The following LGR5 variants were observed in gnomAD, a reference collection of about 807,000 sequenced individuals.
LGR5 encodes leucine rich repeat containing G protein-coupled receptor 5, also known as leucine-rich repeat-containing G protein-coupled receptor 5.
A neutral mutation model predicts 76.7 loss-of-function variants in LGR5; 54 were observed. The observed-to-expected ratio is 0.70, with a 90% CI of 0.57 to 0.88. LGR5 has a LOEUF of 0.88. Ranked by LOEUF, LGR5 falls within the 40% of genes least tolerant of loss-of-function variation. LGR5 has a pLI of 0.00. For synonymous variants in LGR5, 406 were observed against 421.9 expected, an observed-to-expected ratio of 0.96 and a Z score of 0.46; for missense variants, 1,078 against 1,073.3, an observed-to-expected ratio of 1.00 and a Z score of -0.06.
chr12:71,553,636 C>T (rs929373790), intron 5 of LGR5, among the ~76,000 whole-genome samples: 5 of 152,068 alleles, frequency 3.3e-5, no homozygotes, highest in African/African-American at 4.8e-5. Flanking sequence ...ATTGATAATT[C>T]AGGTCAAATT....
chr12:71,553,546 C>A (rs1795450), intron 5 of LGR5, among the ~76,000 whole-genome samples: 142,204 of 152,202 alleles, frequency 0.93, 67,113 homozygotes, highest in East Asian at 1. Context: ...AGAGAAGCCC[C>A]TTGCATGTTG....
intron 13 of LGR5, among the ~76,000 whole-genome samples, chr12:71,577,471 G>A (rs1359344493): frequency 6.6e-6 from 1 of 152,006 alleles, no homozygotes; most frequent in Non-Finnish European, 1.5e-5. Flanking sequence ...AAGCATCTTT[G>A]TGTTTCTTTC....
intron 2 of LGR5, among the ~76,000 whole-genome samples, chr12:71,516,222 T>C (rs1875428797): frequency 6.6e-6 from 1 of 152,148 alleles, no homozygotes; most frequent in African/African-American, 2.4e-5. Context: ...TCATTTTTTT[T>C]AATTTAAGGG....
At chr12:71,560,575 C>T (rs1326837189) in intron 7 of LGR5, among the ~76,000 whole-genome samples, 6 of 152,100 alleles carry the variant, frequency 3.9e-5, no homozygotes, top group South Asian at 2.1e-4. Flanking sequence ...GCAGATTACT[C>T]GAGGCCAGGA....
At chr12:71,508,205 T>C (rs1874956238) in intron 2 of LGR5, among the ~76,000 whole-genome samples, 1 of 151,958 alleles carries the variant, frequency 6.6e-6, no homozygotes, top group Non-Finnish European at 1.5e-5. Flanking sequence ...TCCAGTCTGG[T>C]GACAGTGCGA....
chr12:71,504,508 A>G (rs935287691), intron 1 of LGR5, 106 bp from the exon 2 acceptor site: 1 of 851,416 alleles, frequency 1.2e-6, no homozygotes, highest in Non-Finnish European at 2.1e-6. Context: ...CAAGCAGGGG[A>G]ATGAGTTCAT....
chr12:71,529,622 A>G (rs975732976), intron 3 of LGR5, among the ~76,000 whole-genome samples: 7 of 152,056 alleles, frequency 4.6e-5, no homozygotes, highest in Admixed American at 3.3e-4. Context: ...ATGGCTTTTG[A>G]TCACGTTATT....
intron 2 of LGR5, among the ~76,000 whole-genome samples, chr12:71,519,659 CA>C (rs201655520): frequency 1.4e-5 from 2 of 144,152 alleles, no homozygotes; most frequent in Non-Finnish European, 3.1e-5. Context: ...AAACAAAAAA[CA>C]AAAAAAACCA....
At chr12:71,553,952 G>T (rs997923060) in intron 5 of LGR5, among the ~76,000 whole-genome samples, 1 of 152,168 alleles carries the variant, frequency 6.6e-6, no homozygotes, top group Non-Finnish European at 1.5e-5. Context: ...TTAGCTGGGC[G>T]TAGTGGCACA....
intron 1 of LGR5, among the ~76,000 whole-genome samples, chr12:71,499,342 T>C (rs1234608865): frequency 6.6e-6 from 1 of 151,966 alleles, no homozygotes; most frequent in Non-Finnish European, 1.5e-5. Flanking sequence ...TTGAACTAGA[T>C]CTTGAATGGC....
At chr12:71,513,901 G>C (rs538488658) in intron 2 of LGR5, among the ~76,000 whole-genome samples, 169 of 152,226 alleles carry the variant, frequency 1.1e-3, no homozygotes, top group Admixed American at 1.8e-3. Context: ...AAGATCAAAC[G>C]ATCAATAAAT....
chr12:71,448,555 T>C (rs1872116497), intron 1 of LGR5: 1 of 152,216 alleles, frequency 6.6e-6, no homozygotes, highest in African/African-American at 2.4e-5. Context: ...TTTTAGGTTA[T>C]AAATTTTCTC....
intron 2 of LGR5, among the ~76,000 whole-genome samples, chr12:71,510,412 C>T (rs936245306): frequency 6.6e-6 from 1 of 152,120 alleles, no homozygotes; most frequent in African/African-American, 2.4e-5. Flanking sequence ...TTTGAAAGTG[C>T]CCTACCTCTC....
intron 13 of LGR5, among the ~76,000 whole-genome samples, chr12:71,577,076 G>A (rs1197329646): frequency 6.6e-6 from 1 of 152,114 alleles, no homozygotes; most frequent in Non-Finnish European, 1.5e-5. Flanking sequence ...CATTTATTAA[G>A]GTAACCCTGG....
chr12:71,463,289 T>C (rs1041644631), intron 1 of LGR5, among the ~76,000 whole-genome samples: 1 of 152,176 alleles, frequency 6.6e-6, no homozygotes, highest in Non-Finnish European at 1.5e-5. Context: ...ACTCAAGGAA[T>C]TGTGCAGTGC....
chr12:71,475,783 A>C (rs1041685027), intron 1 of LGR5, among the ~76,000 whole-genome samples: 13 of 152,236 alleles, frequency 8.5e-5, no homozygotes, highest in Non-Finnish European at 1.0e-4. Flanking sequence ...GTTTAGTGGA[A>C]GAAGAGATTA....
intron 1 of LGR5, among the ~76,000 whole-genome samples, chr12:71,459,290 A>G (rs979369028): frequency 1.3e-5 from 2 of 152,080 alleles, no homozygotes; most frequent in Non-Finnish European, 2.9e-5. Context: ...ATTCATTTTC[A>G]ATTCTTCTGA....
intron 1 of LGR5, among the ~76,000 whole-genome samples, chr12:71,458,919 G>A (rs1293391838): frequency 3.3e-5 from 5 of 151,892 alleles, no homozygotes; most frequent in Admixed American, 1.3e-4. Flanking sequence ...TGGTCTTGGT[G>A]GTCAGGGAAC....
intron 1 of LGR5, among the ~76,000 whole-genome samples, chr12:71,479,712 T>A (rs1162930612): frequency 6.6e-6 from 1 of 151,942 alleles, no homozygotes; most frequent in Non-Finnish European, 1.5e-5. Flanking sequence ...GACGGTGGGG[T>A]GCAGATGAGC....
Sources: allele counts gnomAD v4.1 joint callset (sites outside exome capture counted in the v4.1 genomes callset), GRCh38; gene constraint gnomAD v4.1.1; transcripts MANE v1.5; gene names NCBI Gene and HGNC (gene_info 2026-07-23, HGNC 2026-07-21).